Variants in ZDHHC21 observed in about 807,000 individuals in gnomAD.
ZDHHC21 encodes the protein palmitoyltransferase ZDHHC21.
Under a neutral mutation model 34.6 loss-of-function variants are expected in ZDHHC21, and 15 were observed. The observed-to-expected ratio is 0.43, with a 90% CI of 0.29 to 0.67. The LOEUF is 0.67. Ranked by LOEUF, ZDHHC21 falls within the 30% of genes least tolerant of loss-of-function variation. ZDHHC21 has a pLI of 0.14. For synonymous variants in ZDHHC21, 142 were observed against 101.8 expected, an observed-to-expected ratio of 1.40 and a Z score of -2.38; for missense variants, 344 against 327.7, an observed-to-expected ratio of 1.05 and a Z score of -0.38.
At chr9:14,653,784 C>A (rs1173625561) in intron 7 of ZDHHC21, among the ~76,000 whole-genome samples, 1 of 151,974 alleles carries the variant, frequency 6.6e-6, no homozygotes, top group African/African-American at 2.4e-5. Context: ...ATTAAAATCA[C>A]CTGGGAAGAA....
chr9:14,678,571 G>A (rs1437776279), intron 3 of ZDHHC21, among the ~76,000 whole-genome samples: 2 of 152,024 alleles, frequency 1.3e-5, no homozygotes, highest in African/African-American at 2.4e-5. Context: ...ATACATTATT[G>A]GTGGGCATGT....
intron 8 of ZDHHC21, among the ~76,000 whole-genome samples, chr9:14,634,008 AC>A (rs1827830601): frequency 6.6e-6 from 1 of 151,874 alleles, no homozygotes; most frequent in African/African-American, 2.4e-5. Context: ...AACCCCAAAC[AC>A]CAGTAGCTGA....
At chr9:14,656,061 A>T (rs1457923860) in intron 7 of ZDHHC21, among the ~76,000 whole-genome samples, 1 of 151,874 alleles carries the variant, frequency 6.6e-6, no homozygotes, top group African/African-American at 2.4e-5. Flanking sequence ...TTTTATAATG[A>T]TACAAGAATC....
Position 14,692,947 on chromosome 9 carries a change from A to AC in ZDHHC21, c.-225+281dup, listed in dbSNP as rs537681529. 4.1e-4 allele frequency among the ~76,000 whole-genome samples: 62 copies of AC among 151,866 alleles called. No individual in the cohort carries two copies. In the East Asian group the frequency reaches 5.1e-3, roughly 12 times the overall value. On this transcript the variant is annotated intron_variant, in intron 1 of 9. Transcript: ENST00000380916. ...CAACATCGTCTCGACTAGAGCAGGA[A>AC]CCCCCCACCCCCAGTTGAGGGAGGA... is the stretch of plus-strand genomic sequence containing the variant.
intron 5 of ZDHHC21, among the ~76,000 whole-genome samples, chr9:14,668,667 G>C (rs911959899): frequency 1.3e-5 from 2 of 149,090 alleles, no homozygotes; most frequent in Admixed American, 1.3e-4. Flanking sequence ...TAGACCAATG[G>C]AACAGAACAG....
At chr9:14,686,482 T>C (rs1293456816) in intron 2 of ZDHHC21, among the ~76,000 whole-genome samples, 1 of 152,176 alleles carries the variant, frequency 6.6e-6, no homozygotes, top group Non-Finnish European at 1.5e-5. Flanking sequence ...AAAAAATACA[T>C]CAAAATTATT....
intron 7 of ZDHHC21, among the ~76,000 whole-genome samples, chr9:14,643,216 C>A (rs1564270206): frequency 6.6e-6 from 1 of 152,004 alleles, no homozygotes; most frequent in Non-Finnish European, 1.5e-5. Flanking sequence ...CCACTGCACT[C>A]CAGCCTGGGC....
intron 8 of ZDHHC21, among the ~76,000 whole-genome samples, chr9:14,620,726 A>T (rs1343571): frequency 0.76 from 116,100 of 151,942 alleles, 45,059 homozygotes; most frequent in African/African-American, 0.91. Context: ...ATTCTCATTA[A>T]GAATAGTTGC....
At chr9:14,595,752 T>A in the ZDHHC21 span, among the ~76,000 whole-genome samples, 2 of 152,124 alleles carry the variant, frequency 1.3e-5, no homozygotes, top group African/African-American at 2.4e-5. Flanking sequence ...CACATCTCCA[T>A]TGGCTGCAAA....
At chr9:14,684,626 C>A (rs1050733711) in intron 2 of ZDHHC21, among the ~76,000 whole-genome samples, 2 of 151,828 alleles carry the variant, frequency 1.3e-5, no homozygotes, top group Non-Finnish European at 2.9e-5. Context: ...GGCCATACTG[C>A]CCAAGGTAAT....
intron 1 of ZDHHC21, 40 bp from the exon 2 acceptor site, chr9:14,690,425 T>A (rs75806391): frequency 6.7e-6 from 3 of 446,424 alleles, no homozygotes; most frequent in African/African-American, 4.1e-5. Context: ...AGAAGCTTGG[T>A]TGACATCACA....
In ZDHHC21 at chr9:14,617,024, CT is replaced by C. The variant is rs1586862396; in HGVS notation, c.*1941del. On this transcript the variant is annotated 3_prime_UTR_variant, in exon 10 of 10. Coordinates refer to ENST00000380916, the MANE Select transcript of ZDHHC21 (RefSeq NM_178566.6). The stretch of plus-strand genomic sequence containing the variant: ...AGTTCTTTAGGTGATCTTCACTTGG[CT>C]CTGCTGTTTTCTCAAGGTCTTTATT... The C allele has an allele frequency of 6.6e-6, 1 of 151,848 alleles. No homozygotes were observed. The highest frequency in any genetic ancestry group is 1.9e-4 in the East Asian group (1 of 5,158). 9.4% of individuals were successfully genotyped at this position (151,848 alleles called of 1,614,324 possible). A position where few individuals can be genotyped will look rare whatever the true frequency, so the allele number is the denominator to read the frequency against.
rs1040327724 is a variant in ZDHHC21 at position 14,616,979 on chromosome 9, G to C, written c.*1987C>G. On this transcript the variant is annotated 3_prime_UTR_variant, in exon 10 of 10. Coordinates refer to ENST00000380916, the MANE Select transcript of ZDHHC21 (RefSeq NM_178566.6). ...TGCCCAGTACCCACTGCTACTACAT[G>C]AAGTATAAATTAGCCACAAAGTTCT... 6.6e-6 allele frequency: 1 copy of C among 151,852 alleles called. No individual in the cohort carries two copies. The highest frequency in any genetic ancestry group is 1.5e-5 in the Non-Finnish European group (1 of 67,842). The allele number at this position is 151,852 out of a possible 1,614,324, so 9.4% of individuals were successfully genotyped here.
intron 8 of ZDHHC21, among the ~76,000 whole-genome samples, chr9:14,629,475 T>C (rs1159645936): frequency 6.6e-6 from 1 of 152,132 alleles, no homozygotes. Context: ...TTCTAAACAA[T>C]GAAGCGAGTA....
intron 5 of ZDHHC21, among the ~76,000 whole-genome samples, chr9:14,670,178 A>G (rs945096469): frequency 6.6e-6 from 1 of 152,154 alleles, no homozygotes; most frequent in Non-Finnish European, 1.5e-5. Flanking sequence ...CGGTGTATTC[A>G]TTATTGGTAA....
rs1414276267 is a variant in ZDHHC21 at position 14,680,129 on chromosome 9, G to A, written c.-142C>T. 1 of 152,238 alleles carries A rather than the reference G, an allele frequency of 6.6e-6. No individual in the cohort carries two copies. The highest frequency in any genetic ancestry group is 1.5e-5 in the Non-Finnish European group (1 of 67,944). 9.4% of individuals were successfully genotyped at this position (152,238 alleles called of 1,614,324 possible). A position where few individuals can be genotyped will look rare whatever the true frequency, so the allele number is the denominator to read the frequency against. On this transcript the variant is annotated 5_prime_UTR_variant, in exon 3 of 10. Transcript: ENST00000380916. ...TTTTTTTAATTATATCCCACCAAAT[G>A]GATCTCTCTTCAATAACAGTTCTCC...
chr9:14,678,725 A>T (rs1587423184), intron 3 of ZDHHC21, among the ~76,000 whole-genome samples: 1 of 152,126 alleles, frequency 6.6e-6, no homozygotes, highest in Non-Finnish European at 1.5e-5. Flanking sequence ...ACAAGGATAC[A>T]GCACTTTCTG....
At chr9:14,689,528 A>G (rs1838858561) in intron 2 of ZDHHC21, among the ~76,000 whole-genome samples, 1 of 152,230 alleles carries the variant, frequency 6.6e-6, no homozygotes, top group Admixed American at 6.5e-5. Flanking sequence ...AAAATTGAGC[A>G]TAAGCTGTTG....
At chr9:14,632,862 T>C (rs1456126037) in intron 8 of ZDHHC21, among the ~76,000 whole-genome samples, 1 of 151,934 alleles carries the variant, frequency 6.6e-6, no homozygotes, top group African/African-American at 2.4e-5. Flanking sequence ...ACCAGGGAAA[T>C]GCAAATTAAA....
Sources: gnomAD v4.1 joint callset for allele counts (sites outside exome capture counted in the v4.1 genomes callset) on GRCh38, gnomAD v4.1.1 for gene constraint, MANE v1.5 for transcripts, NCBI Gene and HGNC (gene_info 2026-07-23, HGNC 2026-07-21) for gene names.